The following DOCK2 variants were observed in gnomAD, a reference collection of about 807,000 sequenced individuals.
The protein encoded by DOCK2 is dedicator of cytokinesis 2, also known as dedicator of cytokinesis protein 2.
In DOCK2, 87 loss-of-function variants were observed where a neutral mutation model predicts 248.9. That is an observed-to-expected ratio of 0.35 (90% CI 0.29 to 0.42). The LOEUF is 0.42. Ranked by LOEUF, DOCK2 falls within the 10% of genes least tolerant of loss-of-function variation. DOCK2 has a pLI of 1.00. For synonymous variants in DOCK2, 805 were observed against 821.6 expected, an observed-to-expected ratio of 0.98 and a Z score of 0.35; for missense variants, 1,747 against 2,300.2, an observed-to-expected ratio of 0.76 and a Z score of 4.92.
At chr5:169,648,461 A>C (rs1757605529) in intron 1 of DOCK2, among the ~76,000 whole-genome samples, 1 of 152,140 alleles carries the variant, frequency 6.6e-6, no homozygotes, top group Non-Finnish European at 1.5e-5. Context: ...GTGCGCTACA[A>C]TATGCAGCCC....
At chr5:170,011,183 A>G (rs142095366) in intron 32 of DOCK2, among the ~76,000 whole-genome samples, 142 of 152,342 alleles carry the variant, frequency 9.3e-4, no homozygotes, top group Non-Finnish European at 1.5e-3. Context: ...CCCAGAGCCC[A>G]TTATAACAAG....
chr5:170,025,621 T>C (rs1755875418), intron 33 of DOCK2, among the ~76,000 whole-genome samples: 1 of 152,178 alleles, frequency 6.6e-6, no homozygotes, highest in Non-Finnish European at 1.5e-5. Flanking sequence ...TCTCTAAGCA[T>C]GATAGTCCCC....
intron 24 of DOCK2, 80 bp downstream of exon 24, chr5:169,759,855 C>T: frequency 6.6e-7 from 1 of 1,510,636 alleles, no homozygotes; most frequent in Non-Finnish European, 9.2e-7. Context: ...TTATGGGGAG[C>T]TCCAGATGGG....
chr5:169,820,060 G>A (rs1768327247), intron 26 of DOCK2, among the ~76,000 whole-genome samples: 1 of 152,232 alleles, frequency 6.6e-6, no homozygotes, highest in African/African-American at 2.4e-5. Context: ...CAAGGCAACA[G>A]CGAGACTGGT....
chr5:170,038,365 A>G (rs895778332), intron 36 of DOCK2, among the ~76,000 whole-genome samples: 3 of 152,226 alleles, frequency 2.0e-5, no homozygotes, highest in Admixed American at 1.3e-4. Context: ...TAAGAAAACC[A>G]TATTTATCTA....
At chr5:169,650,194 G>C (rs1757724449) in intron 1 of DOCK2, among the ~76,000 whole-genome samples, 1 of 152,134 alleles carries the variant, frequency 6.6e-6, no homozygotes, top group Non-Finnish European at 1.5e-5. Flanking sequence ...GTCTACAGTA[G>C]TTAGGACAGT....
At chr5:169,637,933 A>T (rs1756928991) in intron 1 of DOCK2, among the ~76,000 whole-genome samples, 1 of 152,214 alleles carries the variant, frequency 6.6e-6, no homozygotes, top group East Asian at 1.9e-4. Context: ...CCTCTGGGGA[A>T]AAAGGCTCCC....
intron 27 of DOCK2, among the ~76,000 whole-genome samples, chr5:169,926,306 G>A (rs1165720972): frequency 6.6e-6 from 1 of 152,176 alleles, no homozygotes; most frequent in Non-Finnish European, 1.5e-5. Context: ...AAATATTGTC[G>A]CTTTGCATAG....
In DOCK2 at chr5:169,956,507, G is replaced by A. The variant is rs372155900; in HGVS notation, c.2800-26561G>A. ...TTTAAGGAGGGACTTCCAAACAAAT[G>A]CTTTTGAAGACATGAGCTTGTAAGT... On this transcript the variant is annotated intron_variant, in intron 27 of 51. Coordinates refer to ENST00000520908, the MANE Select transcript of DOCK2 (RefSeq NM_004946.3). 9.6e-4 allele frequency among the ~76,000 whole-genome samples: 146 copies of A among 152,290 alleles called. 1 individual carries two copies. Among genetic ancestry groups the A allele is most frequent in the African/African-American group, 3.0e-3 (125 of 41,552 alleles).
intron 30 of DOCK2, among the ~76,000 whole-genome samples, chr5:169,999,428 A>G (rs752507446): frequency 5.3e-5 from 8 of 152,190 alleles, no homozygotes; most frequent in African/African-American, 1.2e-4. Context: ...TTATAATAAT[A>G]GTAATTTTAT....
At chr5:169,698,241 G>T (rs1480113852) in intron 10 of DOCK2, 133 bp from the exon 11 acceptor site, 1 of 747,494 alleles carries the variant, frequency 1.3e-6, no homozygotes, top group Non-Finnish European at 2.2e-6. Context: ...GCACTGGCTT[G>T]CTTGCCATTT....
Position 170,077,823 on chromosome 5 carries a change from G to T in DOCK2, c.4980G>T (p.Lys1660Asn). The T allele has an allele frequency of 1.2e-6, 2 of 1,612,944 alleles. No individual in the cohort carries two copies. Among genetic ancestry groups the T allele is most frequent in the Non-Finnish European group, 8.5e-7 (1 of 1,179,878 alleles). Residue 1660 changes from lysine to asparagine, a missense_variant, in exon 48 of 52, where the codon AAG (lysine) becomes AAT (asparagine). Transcript: ENST00000520908. ...ATTCTGACTGCAGCACCCCCAGCAAGCCTACCTCAGAGAGGTCAGTCCCTG... is the reference window on the plus strand; with the variant it reads ...ATTCTGACTGCAGCACCCCCAGCAATCCTACCTCAGAGAGGTCAGTCCCTG... Reference protein sequence around the residue: ...SMNSDCSTPSKPTSESFDLEL... With the variant: ...SMNSDCSTPSNPTSESFDLEL...
At chr5:169,959,296 G>A (rs1776987663) in intron 27 of DOCK2, among the ~76,000 whole-genome samples, 1 of 151,976 alleles carries the variant, frequency 6.6e-6, no homozygotes, top group African/African-American at 2.4e-5. Flanking sequence ...GGGAGGCTGA[G>A]GCAGGAGAAT....
chr5:169,745,246 G>A (rs528793167), intron 22 of DOCK2, among the ~76,000 whole-genome samples: 1 of 152,242 alleles, frequency 6.6e-6, no homozygotes, highest in African/African-American at 2.4e-5. Flanking sequence ...TCAAGGACAG[G>A]GTACTCTGGT....
intron 7 of DOCK2, among the ~76,000 whole-genome samples, chr5:169,682,127 G>A (rs1052622909): frequency 1.3e-5 from 2 of 152,222 alleles, no homozygotes; most frequent in African/African-American, 4.8e-5. Context: ...GTAGATTCCA[G>A]AAGGGGAAAA....
intron 46 of DOCK2, 48 bp downstream of exon 46, chr5:170,069,268 C>A (rs775787419): frequency 1.3e-6 from 2 of 1,596,828 alleles, no homozygotes; most frequent in Non-Finnish European, 8.6e-7. Context: ...TTCCTCTCCC[C>A]CCACCGTGGT....
chr5:170,008,432 C>T, intron 30 of DOCK2, 65 bp from the exon 31 acceptor site: 1 of 1,525,048 alleles, frequency 6.6e-7, no homozygotes, highest in Non-Finnish European at 9.1e-7. Context: ...ATTCACACTA[C>T]CCAGCGCTTA....
chr5:170,073,247 T>TC (rs1050983236), intron 46 of DOCK2, among the ~76,000 whole-genome samples: 1 of 152,190 alleles, frequency 6.6e-6, no homozygotes, highest in African/African-American at 2.4e-5. Flanking sequence ...AAGACTATTT[T>TC]CCCCCACTTT....
At chr5:169,713,710 T>C (rs943332846) in intron 17 of DOCK2, among the ~76,000 whole-genome samples, 1 of 152,212 alleles carries the variant, frequency 6.6e-6, no homozygotes, top group Middle Eastern at 3.2e-3. Context: ...TGAGCAGATA[T>C]TATGGTCTCA....
Sources: allele counts gnomAD v4.1 joint callset (sites outside exome capture counted in the v4.1 genomes callset), GRCh38; gene constraint gnomAD v4.1.1; transcripts MANE v1.5; gene names NCBI Gene and HGNC (gene_info 2026-07-23, HGNC 2026-07-21).